The following ELP4 variants were observed in gnomAD, a reference collection of about 807,000 sequenced individuals.
ELP4 encodes elongator complex protein 4.
Under a neutral mutation model 48.9 loss-of-function variants are expected in ELP4, and 51 were observed. That is an observed-to-expected ratio of 1.04 (90% CI 0.83 to 1.32). The LOEUF (loss-of-function observed/expected upper bound fraction) is 1.32. ELP4 is among the 40% of genes most tolerant of loss of function. The probability of loss-of-function intolerance (pLI) is 0.00; values close to 1 mark genes in which losing one functional copy is unlikely to be tolerated. For synonymous variants in ELP4, 210 were observed against 189.2 expected (o/e 1.11, Z -0.90); for missense variants, 519 against 514.6 (o/e 1.01, Z -0.08).
At chr11:31,760,858 C>G (rs967177801) in intron 9 of ELP4, among the ~76,000 whole-genome samples, 3 of 152,184 alleles carry the variant, frequency 2.0e-5, no homozygotes, top group African/African-American at 4.8e-5. Flanking sequence ...ATTGCTTTCT[C>G]AATCCAAAAA....
chr11:31,724,924 G>C (rs1449610473), intron 9 of ELP4, among the ~76,000 whole-genome samples: 1 of 152,096 alleles, frequency 6.6e-6, no homozygotes, highest in Admixed American at 6.5e-5. Context: ...TTTTCCCAAT[G>C]CAGACTTCAA....
intron 3 of ELP4, among the ~76,000 whole-genome samples, chr11:31,563,719 G>T (rs2133945764): frequency 6.6e-6 from 1 of 152,214 alleles, no homozygotes. Flanking sequence ...CATCTGTATA[G>T]AACTTATGGA....
intron 2 of ELP4, 24 bp downstream of exon 2, chr11:31,520,115 C>T: frequency 6.3e-7 from 1 of 1,597,608 alleles, no homozygotes; most frequent in Non-Finnish European, 8.5e-7. Flanking sequence ...ACATGCTTTG[C>T]TCTCCTCTAT....
intron 9 of ELP4, among the ~76,000 whole-genome samples, chr11:31,745,206 G>A (rs1471005145): frequency 1.3e-5 from 2 of 152,108 alleles, no homozygotes; most frequent in Non-Finnish European, 2.9e-5. Context: ...CCTCTTCAAG[G>A]AGAACTACAA....
intron 9 of ELP4, chr11:31,687,633 G>A (rs780101054): frequency 1.4e-4 from 21 of 152,142 alleles, no homozygotes; most frequent in Non-Finnish European, 2.4e-4. Context: ...AGGAAATAGA[G>A]ACAGCAAGTA....
chr11:31,662,805 T>A (rs1031278885), intron 9 of ELP4: 6 of 369,164 alleles, frequency 1.6e-5, no homozygotes, highest in Non-Finnish European at 2.4e-5. Context: ...TCAAATAGTC[T>A]GCATTAATGT....
At chr11:31,746,852 A>G (rs542096877) in intron 9 of ELP4, among the ~76,000 whole-genome samples, 2 of 152,304 alleles carry the variant, frequency 1.3e-5, no homozygotes, top group South Asian at 2.1e-4. Flanking sequence ...ACAAACCTGC[A>G]CGTTGTGCAC....
intron 9 of ELP4, among the ~76,000 whole-genome samples, chr11:31,712,764 C>T (rs2134173747): frequency 6.6e-6 from 1 of 152,032 alleles, no homozygotes; most frequent in African/African-American, 2.4e-5. Flanking sequence ...AGTTCATTAC[C>T]TTTGAAAAAA....
intron 2 of ELP4, among the ~76,000 whole-genome samples, chr11:31,522,292 G>T (rs534773885): frequency 1.3e-5 from 2 of 152,126 alleles, no homozygotes; most frequent in African/African-American, 4.8e-5. Flanking sequence ...AATACAAAAC[G>T]GTGTGTAAAG....
At chr11:31,589,453 A>T (rs906799872) in intron 3 of ELP4, among the ~76,000 whole-genome samples, 1 of 152,178 alleles carries the variant, frequency 6.6e-6, no homozygotes, top group Non-Finnish European at 1.5e-5. Flanking sequence ...GACAGTAAAG[A>T]TCATCTAGTG....
chr11:31,567,155 AC>A (rs1957126562), intron 3 of ELP4, among the ~76,000 whole-genome samples: 1 of 151,828 alleles, frequency 6.6e-6, no homozygotes, highest in Non-Finnish European at 1.5e-5. Flanking sequence ...CTGGTCTCGA[AC>A]TCCTAACCTC....
At chr11:31,709,504 T>G (rs1194524197) in intron 9 of ELP4, among the ~76,000 whole-genome samples, 1 of 152,086 alleles carries the variant, frequency 6.6e-6, no homozygotes, top group Non-Finnish European at 1.5e-5. Context: ...TCTCGTAAAA[T>G]ATGATCCCTC....
intron 3 of ELP4, among the ~76,000 whole-genome samples, chr11:31,567,551 G>A (rs1427461790): frequency 6.6e-6 from 1 of 152,154 alleles, no homozygotes; most frequent in African/African-American, 2.4e-5. Context: ...AATGCATCCT[G>A]ATTTTAGAGA....
chr11:31,646,457 T>G (rs920746560), intron 7 of ELP4: 1 of 151,780 alleles, frequency 6.6e-6, no homozygotes, highest in Non-Finnish European at 1.5e-5. Flanking sequence ...TGTTTCATAA[T>G]ACCAAGTCAG....
chr11:31,705,172 G>A (rs981663188), intron 9 of ELP4, among the ~76,000 whole-genome samples: 1 of 152,078 alleles, frequency 6.6e-6, no homozygotes, highest in Admixed American at 6.6e-5. Flanking sequence ...TGGAGACTGG[G>A]AAGTCCAAGA....
chr11:31,549,298 C>G (rs1267433058), intron 3 of ELP4, among the ~76,000 whole-genome samples: 1 of 151,858 alleles, frequency 6.6e-6, no homozygotes, highest in Non-Finnish European at 1.5e-5. Flanking sequence ...AAGAAAAAAA[C>G]AAATAACCCC....
chr11:31,516,538 C>G (rs1956114178), intron 1 of ELP4, among the ~76,000 whole-genome samples: 1 of 152,214 alleles, frequency 6.6e-6, no homozygotes, highest in African/African-American at 2.4e-5. Context: ...CATTGTTACC[C>G]TGGCTGGAGT....
intron 3 of ELP4, among the ~76,000 whole-genome samples, chr11:31,580,076 C>A (rs1015561934): frequency 2.0e-5 from 3 of 152,106 alleles, no homozygotes; most frequent in Admixed American, 6.6e-5. Flanking sequence ...GGTAAGCAGG[C>A]TAGAGAGGTT....
chr11:31,755,023 A>G (rs1480169488), intron 9 of ELP4, among the ~76,000 whole-genome samples: 2 of 152,164 alleles, frequency 1.3e-5, no homozygotes, highest in African/African-American at 4.8e-5. Flanking sequence ...GGCCCAAAGG[A>G]GGGAAAATAT....
Sources: gnomAD v4.1 joint callset for allele counts (sites outside exome capture counted in the v4.1 genomes callset) on GRCh38, gnomAD v4.1.1 for gene constraint, MANE v1.5 for transcripts, NCBI Gene and HGNC (gene_info 2026-07-23, HGNC 2026-07-21) for gene names.